Variants in FRK observed in about 807,000 individuals in gnomAD.
The protein encoded by FRK is fyn related Src family tyrosine kinase, also known as tyrosine-protein kinase FRK.
A neutral mutation model predicts 56.4 loss-of-function variants in FRK; 51 were observed. That is an observed-to-expected ratio of 0.90 (90% CI 0.72 to 1.14). The LOEUF (loss-of-function observed/expected upper bound fraction) is 1.14, where lower values mean the gene tolerates loss of function less well. Among genes scored for constraint, FRK ranks in the 50% most tolerant of loss-of-function variants. The pLI is 0.00. For missense variants in FRK, 570 were observed against 601.4 expected, an observed-to-expected ratio of 0.95 and a Z score of 0.55; for synonymous variants, 245 against 217.9, an observed-to-expected ratio of 1.12 and a Z score of -1.10.
intron 1 of FRK, among the ~76,000 whole-genome samples, chr6:116,036,276 A>C (rs1582740220): frequency 6.6e-6 from 1 of 152,168 alleles, no homozygotes; most frequent in Non-Finnish European, 1.5e-5. Context: ...AGTGTCTGAT[A>C]TCTGTTTGAT....
intron 2 of FRK, among the ~76,000 whole-genome samples, chr6:115,992,765 A>G (rs1476849461): frequency 6.6e-6 from 1 of 151,788 alleles, no homozygotes; most frequent in Non-Finnish European, 1.5e-5. Context: ...AAGTAATACA[A>G]ACGATTAGAC....
At chr6:116,079,007 A>G in the FRK span, among the ~76,000 whole-genome samples, 2 of 152,128 alleles carry the variant, frequency 1.3e-5, no homozygotes, top group African/African-American at 2.4e-5. Context: ...TGGATATTCT[A>G]TAACTGTGTA....
At chr6:116,036,381 T>C (rs1380834815) in intron 1 of FRK, among the ~76,000 whole-genome samples, 3 of 152,170 alleles carry the variant, frequency 2.0e-5, no homozygotes, top group African/African-American at 7.2e-5. Context: ...CATTCATTAC[T>C]TATACCCCTA....
At chr6:116,022,404 A>G (rs145080544) in intron 1 of FRK, among the ~76,000 whole-genome samples, 1,740 of 152,206 alleles carry the variant, frequency 0.011, 24 homozygotes, top group African/African-American at 0.036. Flanking sequence ...ATCTCTTATG[A>G]ACACTGATTT....
At chr6:116,027,937 G>A (rs991913751) in intron 1 of FRK, among the ~76,000 whole-genome samples, 2 of 151,972 alleles carry the variant, frequency 1.3e-5, no homozygotes, top group East Asian at 1.9e-4. Context: ...GGGTTCAGAG[G>A]AGAAGCTATC....
chr6:116,086,675 G>A, the FRK span, among the ~76,000 whole-genome samples: 1 of 152,204 alleles, frequency 6.6e-6, no homozygotes, highest in Non-Finnish European at 1.5e-5. Context: ...TGATTACTAA[G>A]GACATGGGAT....
At chr6:116,076,829 A>G in the FRK span, among the ~76,000 whole-genome samples, 2 of 152,234 alleles carry the variant, frequency 1.3e-5, no homozygotes, top group African/African-American at 4.8e-5. Flanking sequence ...AAATAATAAT[A>G]GTAACAATGC....
At chr6:116,006,082 A>G (rs948369916) in intron 1 of FRK, among the ~76,000 whole-genome samples, 1 of 152,216 alleles carries the variant, frequency 6.6e-6, no homozygotes, top group Admixed American at 6.5e-5. Flanking sequence ...AAATTTGAAT[A>G]TAAGCCAAAA....
chr6:116,087,957 C>T, the FRK span, among the ~76,000 whole-genome samples: 4,770 of 152,280 alleles, frequency 0.031, 132 homozygotes, highest in Admixed American at 0.054. Context: ...CCATAGGAGC[C>T]CAAGTACAAG....
At chr6:116,098,146 C>T in the FRK span, among the ~76,000 whole-genome samples, 1 of 121,838 alleles carries the variant, frequency 8.2e-6, no homozygotes, top group Non-Finnish European at 1.6e-5. Flanking sequence ...GGGTCTCTCT[C>T]TGTCACCCAG....
intron 2 of FRK, among the ~76,000 whole-genome samples, chr6:115,970,437 A>C (rs949475843): frequency 6.6e-6 from 1 of 152,254 alleles, no homozygotes; most frequent in Non-Finnish European, 1.5e-5. Context: ...CCAAATGTTC[A>C]TCAACACATA....
At position 115,941,749 on chromosome 6, in the gene FRK, A is replaced by C. The variant is rs556756150; in HGVS notation, c.*665T>G. 6.6e-6 allele frequency: 1 copy of C among 152,586 alleles called. No homozygotes were observed. The highest frequency in any genetic ancestry group is 2.4e-5 in the African/African-American group (1 of 41,558). The allele number at this position is 152,586 out of a possible 1,614,324, so 9.5% of individuals were successfully genotyped here. ...ATTAAAACTAATGTATATGACTCTC[A>C]GTTGACACATACTGAAGTACAGAAA... On this transcript the variant is annotated 3_prime_UTR_variant, in exon 8 of 8. Coordinates refer to ENST00000606080, the MANE Select transcript of FRK (RefSeq NM_002031.3).
In FRK at chr6:116,048,309, A is replaced by G. The variant is rs1021777280; in HGVS notation, c.344+11659T>C. ...TATTATCTTCCTCTCTGTTTCAACC[A>G]TTCCTTCCTTGTCTGCTTCAATAAA... On this transcript the variant is annotated intron_variant, in intron 1 of 7. Coordinates refer to ENST00000606080, the MANE Select transcript of FRK (RefSeq NM_002031.3). 4.6e-5 allele frequency among the ~76,000 whole-genome samples: 7 copies of G among 152,282 alleles called. No homozygotes were observed. In the East Asian group the frequency reaches 1.4e-3, roughly 29 times the overall value.
Position 115,977,915 on chromosome 6 carries a change from G to A in FRK, c.467-9176C>T, listed in dbSNP as rs138854903. ...TATATATCCGGTATGTAAAGCAGATGAGTATCTTTTTAATTAACAATATAT... is the reference window on the plus strand; with the variant it reads ...TATATATCCGGTATGTAAAGCAGATAAGTATCTTTTTAATTAACAATATAT... On this transcript the variant is annotated intron_variant, in intron 2 of 7. Transcript: ENST00000606080. 2.0e-3 allele frequency among the ~76,000 whole-genome samples: 309 copies of A among 152,260 alleles called. 3 individuals are homozygous for A. The highest frequency in any genetic ancestry group is 6.7e-3 in the African/African-American group (280 of 41,556).
At chr6:116,033,420 T>C (rs1284470820) in intron 1 of FRK, among the ~76,000 whole-genome samples, 1 of 152,134 alleles carries the variant, frequency 6.6e-6, no homozygotes, top group African/African-American at 2.4e-5. Context: ...TAGAGCAAGG[T>C]ATTACATCTA....
chr6:116,087,328 G>T, the FRK span, among the ~76,000 whole-genome samples: 82 of 152,260 alleles, frequency 5.4e-4, no homozygotes, highest in Admixed American at 1.8e-3. Flanking sequence ...GAAAAAAATA[G>T]AAGTTTATTC....
chr6:116,092,617 A>C, the FRK span, among the ~76,000 whole-genome samples: 4 of 152,130 alleles, frequency 2.6e-5, no homozygotes, highest in Admixed American at 1.3e-4. Context: ...TAGGAGGAAA[A>C]CTAGTGTTTC....
chr6:115,992,656 A>C (rs1774657797), intron 2 of FRK, among the ~76,000 whole-genome samples: 1 of 151,866 alleles, frequency 6.6e-6, no homozygotes, highest in African/African-American at 2.4e-5. Context: ...TGTCTTGAGT[A>C]CCTTGCTCAA....
chr6:115,994,502 T>C (rs1237139735), intron 2 of FRK, among the ~76,000 whole-genome samples: 1 of 152,068 alleles, frequency 6.6e-6, no homozygotes, highest in Non-Finnish European at 1.5e-5. Flanking sequence ...ATATTAGCAA[T>C]GTCTAACAAA....
Sources: gnomAD v4.1 joint callset for allele counts (sites outside exome capture counted in the v4.1 genomes callset) on GRCh38, gnomAD v4.1.1 for gene constraint, MANE v1.5 for transcripts, NCBI Gene and HGNC (gene_info 2026-07-23, HGNC 2026-07-21) for gene names.